Variants in TRAF7 observed in about 807,000 individuals in gnomAD.
TRAF7 encodes E3 ubiquitin-protein ligase TRAF7.
Under a neutral mutation model 89.3 loss-of-function variants are expected in TRAF7, and 45 were observed. That is an observed-to-expected ratio of 0.50 (90% CI 0.40 to 0.65). TRAF7 has a LOEUF of 0.65. Among genes scored for constraint, TRAF7 ranks in the 30% least tolerant of loss-of-function variants. TRAF7 has a pLI of 0.00. For synonymous variants in TRAF7, 406 were observed against 369.2 expected (o/e 1.10, Z -1.14); for missense variants, 677 against 918.1 (o/e 0.74, Z 3.39).
chr16:2,164,709 C>T (rs397831781), intron 2 of TRAF7, among the ~76,000 whole-genome samples: 43 of 127,216 alleles, frequency 3.4e-4, no homozygotes, highest in African/African-American at 4.6e-4. Context: ...GTGAGTGCTG[C>T]GTGGCGCGGC....
Position 2,176,072 on chromosome 16 carries a change from G to C in TRAF7, c.1770G>C (p.Glu590Asp). The change falls in exon 19 of 21, where the codon GAG becomes GAC. Residue 590 changes from glutamate (E) to aspartate (D), a missense_variant. Transcript: ENST00000326181. Reference protein sequence around the residue: ...LIHVWDIESKEQVRTLTGHVG... With the variant: ...LIHVWDIESKDQVRTLTGHVG... Reference sequence around the variant, plus strand: ...AGGTGTGGGACATTGAGTCCAAGGAGCAGGTGCGGACCCTCACGGGCCACG... The same window carrying C: ...AGGTGTGGGACATTGAGTCCAAGGACCAGGTGCGGACCCTCACGGGCCACG... The C allele has an allele frequency of 6.2e-7, 1 of 1,610,294 alleles. No individual in the cohort carries two copies. Among genetic ancestry groups the C allele is most frequent in the East Asian group, 2.2e-5 (1 of 44,808 alleles).
chr16:2,171,613 T>C lies in TRAF7; in HGVS notation c.475+8T>C, dbSNP rs370594504. 1 of 1,613,078 alleles carries C rather than the reference T, an allele frequency of 6.2e-7. No individual in the cohort carries two copies. Among genetic ancestry groups the C allele is most frequent in the African/African-American group, 1.3e-5 (1 of 74,910 alleles). On this transcript the variant is annotated splice_region_variant and intron_variant, in intron 7 of 20. Transcript: ENST00000326181. ...GATGCGCCTTGAAGTCAGGTAGGTT[T>C]GTGCCCCGGCCCAGGCCTGACGCCG... is the stretch of plus-strand genomic sequence containing the variant.
At chr16:2,171,227 C>G (rs4787259) in intron 5 of TRAF7, 37 bp from the exon 6 acceptor site, 2 of 1,512,800 alleles carry the variant, frequency 1.3e-6, no homozygotes, top group African/African-American at 2.8e-5. Flanking sequence ...CTGAGGGTGG[C>G]CTCCCGCCAT....
At chr16:2,160,254 G>T (rs932026748) in intron 1 of TRAF7, among the ~76,000 whole-genome samples, 4 of 152,006 alleles carry the variant, frequency 2.6e-5, no homozygotes, top group African/African-American at 9.7e-5. Context: ...AGGGGACGGT[G>T]GGGGGCCAAT....
chr16:2,170,589 G>T, intron 4 of TRAF7, 25 bp from the exon 5 acceptor site: 1 of 1,593,884 alleles, frequency 6.3e-7, no homozygotes, highest in Non-Finnish European at 8.6e-7. Context: ...GGAGCCCCCC[G>T]ACAGGCGCCT....
Position 2,175,342 on chromosome 16 carries a change from G to A in TRAF7, c.1428G>A (p.Arg476=). The A allele has an allele frequency of 6.2e-7, 1 of 1,613,538 alleles. No individual in the cohort carries two copies. The highest frequency in any genetic ancestry group is 8.5e-7 in the Non-Finnish European group (1 of 1,180,008). ...IQNLQKVNTI[R]AHDNPVCTLV... ...ACCTGCAGAAGGTGAACACCATCCG[G>A]GCCCATGACAACCCGGTGTGCACGC... is the stretch of plus-strand genomic sequence containing the variant. Residue 476 remains arginine (R), a synonymous_variant, in exon 16 of 21, where the codon CGG becomes CGA. Coordinates refer to ENST00000326181, the MANE Select transcript of TRAF7 (RefSeq NM_032271.3).
intron 20 of TRAF7, 83 bp from the exon 21 acceptor site, chr16:2,176,477 G>C: frequency 6.2e-7 from 1 of 1,613,126 alleles, no homozygotes; most frequent in Non-Finnish European, 8.5e-7. Flanking sequence ...CAAAGTGGTG[G>C]AGGGCAGGTA....
chr16:2,156,060 T>C (rs2093032614), intron 1 of TRAF7, among the ~76,000 whole-genome samples: 1 of 151,990 alleles, frequency 6.6e-6, no homozygotes, highest in Non-Finnish European at 1.5e-5. Flanking sequence ...CAGTCAGTAG[T>C]CCGTCCCTCG....
At position 2,158,898 on chromosome 16, in the gene TRAF7, G is replaced by T. The variant is rs1321852999; in HGVS notation, c.-39+3040G>T. Among the ~76,000 whole-genome samples, 1 of 152,026 alleles carries T rather than the reference G, an allele frequency of 6.6e-6. No homozygotes were observed. The highest frequency in any genetic ancestry group is 1.5e-5 in the Non-Finnish European group (1 of 67,994). On this transcript the variant is annotated intron_variant, in intron 1 of 20. Coordinates refer to ENST00000326181, the MANE Select transcript of TRAF7 (RefSeq NM_032271.3). The surrounding 1 kb of genome is among the most constrained non-coding windows in gnomAD (Gnocchi z 4.7). ...CCCCAGCCCAGAGCTGTGAAGCTGG[G>T]GTCTCTTCCTGTGCCCCAGGATACT...
In TRAF7 at chr16:2,163,269, G is replaced by A. The variant is rs552694672; in HGVS notation, c.-38-614G>A. 5.3e-5 allele frequency among the ~76,000 whole-genome samples: 8 copies of A among 152,302 alleles called. No homozygotes were observed. Among genetic ancestry groups the A allele is most frequent in the African/African-American group, 1.2e-4 (5 of 41,558 alleles). ...GGTGACCTGCACGGGTTCCAGGGGC[G>A]GGCTCATCTCTCTCCTGTGCTTTTT... On this transcript the variant is annotated intron_variant, in intron 1 of 20. Coordinates refer to ENST00000326181, the MANE Select transcript of TRAF7 (RefSeq NM_032271.3). This position sits in a 1 kb window ranked among gnomAD's most constrained non-coding sequence, Gnocchi z 4.3.
intron 4 of TRAF7, 124 bp from the exon 5 acceptor site, chr16:2,170,490 C>T (rs1400829107): frequency 1.4e-5 from 10 of 692,588 alleles, no homozygotes; most frequent in Middle Eastern, 3.9e-4. Flanking sequence ...GGAGAGTACC[C>T]GCAGGGACCG....
rs1259344783 is a variant in TRAF7 at position 2,173,346 on chromosome 16, G to A, written c.959G>A (p.Gly320Glu). The A allele has an allele frequency of 6.2e-7, 1 of 1,613,622 alleles. No homozygotes were observed. The highest frequency in any genetic ancestry group is 8.5e-7 in the Non-Finnish European group (1 of 1,180,020). ...ATCGCCTTCCTGCGCTCCATGCTGG[G>A]AAAGCTCTCGGAGAAGATCGACCAG... The part of the protein sequence containing the change: ...QEIAFLRSML[G>E]KLSEKIDQLE... Residue 320 changes from glycine (G) to glutamate (E), a missense_variant, in exon 10 of 21, where the codon GGA (glycine) becomes GAA (glutamate). This residue lies in a region of TRAF7 where 238 missense variants were observed against 352.6 expected (regional missense o/e 0.67). Transcript: ENST00000326181.
intron 3 of TRAF7, among the ~76,000 whole-genome samples, chr16:2,166,895 G>C (rs2093088548): frequency 6.6e-6 from 1 of 152,234 alleles, no homozygotes; most frequent in African/African-American, 2.4e-5. Flanking sequence ...CCTCATTCCG[G>C]GGTGGGGTTC....
intron 1 of TRAF7, among the ~76,000 whole-genome samples, chr16:2,157,969 C>T (rs1423678800): frequency 6.6e-6 from 1 of 152,202 alleles, no homozygotes; most frequent in Admixed American, 6.5e-5. Flanking sequence ...TCCTTCCAGA[C>T]AGGGTTCTGG....
intron 2 of TRAF7, among the ~76,000 whole-genome samples, chr16:2,165,182 G>C (rs1198102797): frequency 8.1e-5 from 11 of 136,358 alleles, no homozygotes; most frequent in East Asian, 6.8e-4. Context: ...TGGTCGCATG[G>C]TTAAGCGTGT....
intron 1 of TRAF7, among the ~76,000 whole-genome samples, chr16:2,156,198 C>A (rs928983672): frequency 6.6e-6 from 1 of 152,110 alleles, no homozygotes; most frequent in Non-Finnish European, 1.5e-5. Flanking sequence ...CTCCTGTGCT[C>A]GGCGTCTGCT....
intron 1 of TRAF7, among the ~76,000 whole-genome samples, chr16:2,156,181 C>G (rs2093033426): frequency 6.6e-6 from 1 of 152,246 alleles, no homozygotes. Flanking sequence ...AGAACACGGT[C>G]CCAGTTCTCC....
intron 4 of TRAF7, among the ~76,000 whole-genome samples, chr16:2,169,207 C>G (rs2093098671): frequency 6.6e-6 from 1 of 152,140 alleles, no homozygotes; most frequent in Non-Finnish European, 1.5e-5. Context: ...GTCTCGAACT[C>G]CCGACCTCAG....
chr16:2,171,016 G>A (rs1011148025), intron 5 of TRAF7, among the ~76,000 whole-genome samples: 4 of 152,242 alleles, frequency 2.6e-5, no homozygotes, highest in Non-Finnish European at 4.4e-5. Context: ...GGAAGGAGGC[G>A]GGCGAGGGCG....
Sources: allele counts gnomAD v4.1 joint callset (sites outside exome capture counted in the v4.1 genomes callset), GRCh38; gene constraint gnomAD v4.1.1; regional missense constraint gnomAD v4.1.1; non-coding constraint Gnocchi (gnomAD v3.1); transcripts MANE v1.5; gene names NCBI Gene and HGNC (gene_info 2026-07-23, HGNC 2026-07-21).